Variants in SREK1 observed in about 807,000 individuals in gnomAD.
The protein encoded by SREK1 is splicing regulatory glutamic acid and lysine rich protein 1, also known as splicing regulatory glutamine/lysine-rich protein 1.
A neutral mutation model predicts 66.5 loss-of-function variants in SREK1; 13 were observed. The observed-to-expected ratio is 0.20, with a 90% CI of 0.13 to 0.31. The LOEUF is 0.31. Ranked by LOEUF, SREK1 falls within the 10% of genes least tolerant of loss-of-function variation. SREK1 has a pLI of 1.00. For synonymous variants in SREK1, 265 were observed against 263.5 expected (o/e 1.01, Z -0.05); for missense variants, 607 against 769.6 (o/e 0.79, Z 2.50).
At chr5:66,161,336 G>C (rs1444347248) in intron 3 of SREK1, among the ~76,000 whole-genome samples, 1 of 152,168 alleles carries the variant, frequency 6.6e-6, no homozygotes, top group Non-Finnish European at 1.5e-5. Context: ...GCACTTTTGT[G>C]GTCGTTCGTG....
At chr5:66,163,664 T>C in intron 5 of SREK1, 128 bp from the exon 6 acceptor site, 1 of 777,278 alleles carries the variant, frequency 1.3e-6, no homozygotes, top group Non-Finnish European at 1.8e-6. Context: ...TTTTGGTTAT[T>C]CTGTATATCA....
intron 2 of SREK1, chr5:66,156,091 G>GT (rs1744260458): frequency 6.6e-7 from 1 of 1,520,688 alleles, no homozygotes; most frequent in Admixed American, 2.1e-5. Context: ...AGGCAGACCT[G>GT]TTACACTTGC....
chr5:66,170,569 A>G lies in SREK1; in HGVS notation c.1122-16A>G. The G allele has an allele frequency of 1.3e-6, 2 of 1,574,898 alleles. No homozygotes were observed. The highest frequency in any genetic ancestry group is 8.6e-7 in the Non-Finnish European group (1 of 1,167,988). On this transcript the variant is annotated splice_polypyrimidine_tract_variant and intron_variant, in intron 8 of 11. Coordinates refer to ENST00000334121, the MANE Select transcript of SREK1 (RefSeq NM_001077199.3). ...AACTATTTTAGTTATGAATTTATTT[A>G]TTTTTGTTTTTAAAGGGACAAGAGA...
intron 6 of SREK1, chr5:66,164,508 GT>G: frequency 5.7e-6 from 7 of 1,218,046 alleles, no homozygotes; most frequent in Non-Finnish European, 7.8e-6. Context: ...TAAAATCACT[GT>G]CACAGGAATT....
At chr5:66,157,241 T>A (rs1744362599) in intron 2 of SREK1, 1 of 985,162 alleles carries the variant, frequency 1.0e-6, no homozygotes, top group African/African-American at 1.7e-5. Context: ...GACAACCTAC[T>A]GATACTTAAG....
At position 66,174,878 on chromosome 5, in the gene SREK1, T is replaced by G. The variant is rs537410240; in HGVS notation, c.1485-68T>G. 2.3e-4 allele frequency: 342 copies of G among 1,469,088 alleles called. 1 individual carries two copies. In the South Asian group the frequency reaches 3.8e-3, roughly 16 times the overall value. The allele number at this position is 1,469,088 out of a possible 1,614,324, so 91.0% of individuals were successfully genotyped here. A position where few individuals can be genotyped will look rare whatever the true frequency, so the allele number is the denominator to read the frequency against. ...ATGAGAATATCAAGGACCCTTTTGC[T>G]TTTGTATATTTGAATTGCCGTTTAT... On this transcript the variant is annotated intron_variant, in intron 9 of 11. Coordinates refer to ENST00000334121, the MANE Select transcript of SREK1 (RefSeq NM_001077199.3).
At chr5:66,146,266 A>G (rs1743185883) in intron 1 of SREK1, among the ~76,000 whole-genome samples, 1 of 152,134 alleles carries the variant, frequency 6.6e-6, no homozygotes, top group African/African-American at 2.4e-5. Context: ...ACCTTTGTAA[A>G]TCTTGCTTTC....
chr5:66,158,312 T>C (rs947018689), intron 2 of SREK1: 4 of 152,176 alleles, frequency 2.6e-5, no homozygotes, highest in Non-Finnish European at 2.9e-5. Context: ...ACTATTGTTA[T>C]TAGGCAATTA....
chr5:66,159,228 C>A lies in SREK1; in HGVS notation c.305C>A (p.Pro102Gln). The A allele has an allele frequency of 6.2e-7, 1 of 1,611,320 alleles. No individual in the cohort carries two copies. Among genetic ancestry groups the A allele is most frequent in the Non-Finnish European group, 8.5e-7 (1 of 1,179,028 alleles). ...IVVPCAEGKIPEESKALSLLA... is the reference protein window; with the variant it reads ...IVVPCAEGKIQEESKALSLLA... ...GAACTTGCCTCTGCAGGTAAAATCC[C>A]AGAGGAATCCAAAGCCCTCTCTTTA... The change falls in exon 3 of 12, where the codon CCA becomes CAA. Residue 102 changes from proline (P) to glutamine (Q), a missense_variant. Around this residue, in one of 5 missense-constraint regions of SREK1, gnomAD observed 99 missense variants for 186.6 expected, o/e 0.53. Transcript: ENST00000334121.
chr5:66,169,939 T>C, intron 7 of SREK1, 112 bp from the exon 8 acceptor site: 1 of 821,138 alleles, frequency 1.2e-6, no homozygotes, highest in South Asian at 3.7e-5. Context: ...TAAAGTATTA[T>C]TTAAGAGAAA....
rs752732991 is a variant in SREK1 at position 66,144,342 on chromosome 5, T to C, written c.-35T>C. 27 of 1,471,666 alleles carry C rather than the reference T, an allele frequency of 1.8e-5. No individual in the cohort carries two copies. The highest frequency in any genetic ancestry group is 2.5e-5 in the Non-Finnish European group (27 of 1,084,054). 91.2% of individuals were successfully genotyped at this position (1,471,666 alleles called of 1,614,324 possible). The stretch of plus-strand genomic sequence containing the variant: ...CTCCGTCGCTGACGCGTCGTAGACG[T>C]TGGGGAGCGGGAAGGCAACGGCAGC... On this transcript the variant is annotated 5_prime_UTR_variant, in exon 1 of 12. Coordinates refer to ENST00000334121, the MANE Select transcript of SREK1 (RefSeq NM_001077199.3).
At chr5:66,162,842 C>G (rs1561504860) in intron 5 of SREK1, 1 of 330,234 alleles carries the variant, frequency 3.0e-6, no homozygotes, top group Non-Finnish European at 5.4e-6. Flanking sequence ...TTTATATACC[C>G]TGCATAACGG....
At chr5:66,169,575 A>G (rs1456143315) in intron 7 of SREK1, 2 of 152,236 alleles carry the variant, frequency 1.3e-5, no homozygotes, top group African/African-American at 2.4e-5. Flanking sequence ...CCAATATTTG[A>G]TTATATCTAG....
intron 1 of SREK1, among the ~76,000 whole-genome samples, chr5:66,148,290 G>C (rs1343263657): frequency 6.6e-6 from 1 of 151,860 alleles, no homozygotes; most frequent in Non-Finnish European, 1.5e-5. Context: ...TTTTTGGTAG[G>C]TCCTCTGTCC....
At chr5:66,162,672 C>G (rs1443231641) in intron 5 of SREK1, 80 bp downstream of exon 5, 74 of 1,365,736 alleles carry the variant, frequency 5.4e-5, no homozygotes, top group Middle Eastern at 2.0e-4. Flanking sequence ...CTTTTTTTTT[C>G]TTTTTAATAG....
At position 66,181,363 on chromosome 5, in the gene SREK1, A is replaced by C. The variant is rs1746471965; in HGVS notation, c.*2495A>C. ...GACATACTTTCTCTGTTCACTTAAAAGAGCTCATGTTTTCATTTGTTTATT... is the reference window on the plus strand; with the variant it reads ...GACATACTTTCTCTGTTCACTTAAACGAGCTCATGTTTTCATTTGTTTATT... On this transcript the variant is annotated 3_prime_UTR_variant, in exon 12 of 12. Transcript: ENST00000334121. The C allele has an allele frequency of 1.3e-5, 2 of 152,200 alleles. No homozygotes were observed. Among genetic ancestry groups the C allele is most frequent in the African/African-American group, 4.8e-5 (2 of 41,450 alleles). The allele number at this position is 152,200 out of a possible 1,614,324, so 9.4% of individuals were successfully genotyped here. A position where few individuals can be genotyped will look rare whatever the true frequency, so the allele number is the denominator to read the frequency against.
At chr5:66,158,090 C>G (rs1263632643) in intron 2 of SREK1, 1 of 149,714 alleles carries the variant, frequency 6.7e-6, no homozygotes, top group African/African-American at 2.5e-5. Context: ...AATATATCCA[C>G]ATGTAGTCAA....
chr5:66,159,116 TTTATTATTATTATTTTTTA>T, intron 2 of SREK1, 84 bp from the exon 3 acceptor site: 1 of 1,445,822 alleles, frequency 6.9e-7, no homozygotes, highest in Non-Finnish European at 9.1e-7. Context: ...GATAGATTCA[TTTATTATTATTATTTTTTA>T]ACTGCAAGGG....
intron 1 of SREK1, among the ~76,000 whole-genome samples, chr5:66,153,094 A>G (rs906437295): frequency 1.3e-5 from 2 of 152,228 alleles, no homozygotes; most frequent in African/African-American, 4.8e-5. Context: ...AATGATGATA[A>G]AATTTGAAAT....
Sources: allele counts gnomAD v4.1 joint callset (sites outside exome capture counted in the v4.1 genomes callset), GRCh38; gene constraint gnomAD v4.1.1; regional missense constraint gnomAD v4.1.1; transcripts MANE v1.5; gene names NCBI Gene and HGNC (gene_info 2026-07-23, HGNC 2026-07-21).